Variants in TGM1 observed in about 807,000 individuals in gnomAD.
TGM1 encodes the protein transglutaminase 1.
Under a neutral mutation model 88.7 loss-of-function variants are expected in TGM1, and 63 were observed. The observed-to-expected ratio is 0.71, with a 90% CI of 0.58 to 0.88. The LOEUF (loss-of-function observed/expected upper bound fraction) is 0.88, where lower values mean the gene tolerates loss of function less well. TGM1 is among the 40% of genes least tolerant of loss of function. TGM1 has a pLI of 0.00. For synonymous variants in TGM1, 415 were observed against 431.1 expected, an observed-to-expected ratio of 0.96 and a Z score of 0.46; for missense variants, 996 against 1,118.0, an observed-to-expected ratio of 0.89 and a Z score of 1.56.
chr14:24,250,148 C>CTGTGTGTGTGTG (rs1158480309), intron 14 of TGM1, among the ~76,000 whole-genome samples: 4 of 142,958 alleles, frequency 2.8e-5, no homozygotes, highest in South Asian at 2.3e-4. Flanking sequence ...CCTTATGTCT[C>CTGTGTGTGTGTG]TGTGTGTGTG....
In TGM1 at chr14:24,255,392, G is replaced by A. The variant is rs575958464; in HGVS notation, c.1617C>T (p.Asp539=). The change falls in exon 11 of 15, where the codon GAC becomes GAT. Residue 539 remains aspartate, a synonymous_variant. Coordinates refer to ENST00000206765, the MANE Select transcript of TGM1 (RefSeq NM_000359.3). The surrounding 1 kb of genome is among the most constrained non-coding windows in gnomAD (Gnocchi z 4.0). ...CTGGGTGCTTATAGAGGTAGGTGAT[G>A]TCCTCCCGCATGTTGGAGCTGATGG... ...TKAISSNMRE[D]ITYLYKHPEG... 4.3e-6 allele frequency: 7 copies of A among 1,614,190 alleles called. No homozygotes were observed. Among genetic ancestry groups the A allele is most frequent in the African/African-American group, 4.0e-5 (3 of 75,036 alleles).
intron 14 of TGM1, among the ~76,000 whole-genome samples, chr14:24,250,103 GAACA>G (rs780727451): frequency 2.6e-5 from 4 of 151,380 alleles, no homozygotes; most frequent in Non-Finnish European, 4.4e-5. Context: ...TCCTTCCCAA[GAACA>G]GACAACAGAC....
At chr14:24,249,615 G>A in intron 14 of TGM1, 74 bp from the exon 15 acceptor site, 1 of 1,339,740 alleles carries the variant, frequency 7.5e-7, no homozygotes, top group South Asian at 1.2e-5. Context: ...ATCCAGGGCA[G>A]TCAGGAGGAA....
rs145197904 is a variant in TGM1, at chr14:24,262,247, G to A, written c.106C>T (p.Arg36Cys). 30 of 1,613,822 alleles carry A rather than the reference G, an allele frequency of 1.9e-5. No individual in the cohort carries two copies. Among genetic ancestry groups the A allele is most frequent in the Non-Finnish European group, 2.5e-5 (29 of 1,180,036 alleles). The change falls in exon 2 of 15, where the codon CGC becomes TGC. Residue 36 changes from arginine (R) to cysteine (C), a missense_variant. Arg to Cys is a radical substitution (Grantham distance 180, BLOSUM62 -3). Coordinates refer to ENST00000206765, the MANE Select transcript of TGM1 (RefSeq NM_000359.3). ...CAGAAGGAACGGCCTCCTCCTCTGC[G>A]AGAGCGTCCGTCTGGCTCTGGCTCT... ...EPEPEPDGRS[R>C]RGGGRSFWAR...
At position 24,252,541 on chromosome 14, in the gene TGM1, G is replaced by A. The variant is rs376946996; in HGVS notation, c.2225+1611C>T. Among the ~76,000 whole-genome samples the A allele has an allele frequency of 3.7e-4, 57 of 152,342 alleles. No homozygotes were observed. The South Asian group carries it at 1.0e-2, about 27-fold the overall frequency. On this transcript the variant is annotated intron_variant, in intron 14 of 14. Transcript: ENST00000206765. Reference sequence around the variant, plus strand: ...ACTAGCAGAGCAGGCTACCCGGGGGGTTCAGGCTCTGTTCACTGAGCTGCC... The same window carrying A: ...ACTAGCAGAGCAGGCTACCCGGGGGATTCAGGCTCTGTTCACTGAGCTGCC...
In TGM1 at chr14:24,260,529, T is replaced by C. The variant is rs1031818162; in HGVS notation, c.678A>G (p.Thr226=). ...ACTGGAACTCCCCAGCGTCTGATTG[T>C]GTGCGGACTGTGAACTGAAACTTGC... ...IIGKFQFTVR[T]QSDAGEFQLP... is the part of the protein sequence containing the mutation. The change falls in exon 4 of 15, where the codon ACA becomes ACG. Residue 226 remains threonine (T), a synonymous_variant. Coordinates refer to ENST00000206765, the MANE Select transcript of TGM1 (RefSeq NM_000359.3). The C allele has an allele frequency of 1.9e-6, 3 of 1,614,094 alleles. No homozygotes were observed. The highest frequency in any genetic ancestry group is 2.5e-6 in the Non-Finnish European group (3 of 1,180,050).
intron 14 of TGM1, among the ~76,000 whole-genome samples, chr14:24,249,841 C>T (rs1238081162): frequency 6.6e-6 from 1 of 152,142 alleles, no homozygotes; most frequent in Non-Finnish European, 1.5e-5. Flanking sequence ...CCTCTCATGC[C>T]ATCCCCTCCA....
At chr14:24,251,045 T>G (rs1171331556) in intron 14 of TGM1, among the ~76,000 whole-genome samples, 3 of 152,200 alleles carry the variant, frequency 2.0e-5, no homozygotes, top group Non-Finnish European at 4.4e-5. Context: ...CTACCACTTG[T>G]TAGCTGTGAG....
chr14:24,261,248 A>G (rs566563644), intron 3 of TGM1, among the ~76,000 whole-genome samples: 25 of 152,306 alleles, frequency 1.6e-4, no homozygotes, highest in Non-Finnish European at 3.1e-4. Context: ...TACACCAAGC[A>G]ACGCGGTAAG....
At chr14:24,261,280 T>C (rs1293063216) in intron 3 of TGM1, among the ~76,000 whole-genome samples, 2 of 151,750 alleles carry the variant, frequency 1.3e-5, no homozygotes, top group South Asian at 2.1e-4. Context: ...CCTTGGGTCA[T>C]GGGGACAGAG....
Position 24,249,519 on chromosome 14 carries a change from C to T in TGM1, c.2248G>A (p.Val750Met). 6.2e-7 allele frequency: 1 copy of T among 1,614,092 alleles called. No homozygotes were observed. Among genetic ancestry groups the T allele is most frequent in the Non-Finnish European group, 8.5e-7 (1 of 1,179,994 alleles). ...GGCACAAACGACTGGCGCAGTGTCACTGTTTCATTGCCTCCAATGTCCCTG... is the reference window on the plus strand; with the variant it reads ...GGCACAAACGACTGGCGCAGTGTCATTGTTTCATTGCCTCCAATGTCCCTG... Reference protein sequence around the residue: ...NVGDIGGNETVTLRQSFVPVR... With the variant: ...NVGDIGGNETMTLRQSFVPVR... The change falls in exon 15 of 15, where the codon GTG becomes ATG. Residue 750 changes from valine to methionine, a missense_variant. By Grantham distance (21) the Val-to-Met change is conservative. Coordinates refer to ENST00000206765, the MANE Select transcript of TGM1 (RefSeq NM_000359.3).
intron 4 of TGM1, 153 bp from the exon 5 acceptor site, chr14:24,260,211 T>G (rs1290982113): frequency 7.5e-6 from 7 of 931,210 alleles, no homozygotes; most frequent in Admixed American, 2.0e-5. Context: ...ACGGGGAGCA[T>G]GACAGATGGT....
rs1319140950 is a variant in TGM1 at position 24,255,533 on chromosome 14, G to T, written c.1492-16C>A. On this transcript the variant is annotated splice_polypyrimidine_tract_variant and intron_variant, in intron 10 of 14. Coordinates refer to ENST00000206765, the MANE Select transcript of TGM1 (RefSeq NM_000359.3). The surrounding 1 kb of genome is among the most constrained non-coding windows in gnomAD (Gnocchi z 4.0). ...CACTATTCACCTGTGGGGGGTGGGG[G>T]TGAGCAGGAATGAGTGAGCCAGAGG... The T allele has an allele frequency of 6.2e-7, 1 of 1,612,622 alleles. No homozygotes were observed. Among genetic ancestry groups the T allele is most frequent in the Non-Finnish European group, 8.5e-7 (1 of 1,180,026 alleles).
Position 24,260,879 on chromosome 14 carries a change from C to T in TGM1, c.509-181G>A, listed in dbSNP as rs2040803219. Among the ~76,000 whole-genome samples the T allele has an allele frequency of 1.3e-5, 2 of 152,324 alleles. 1 individual carries two copies. Among genetic ancestry groups the T allele is most frequent in the African/African-American group, 4.8e-5 (2 of 41,574 alleles). ...CAGCTCTGTCTCCACCCAATGCTTG[C>T]CCACATGTTAGGGCAGTGCCGCAGT... On this transcript the variant is annotated intron_variant, in intron 3 of 14. Transcript: ENST00000206765.
chr14:24,259,053 C>G lies in TGM1; in HGVS notation c.1159+22G>C. On this transcript the variant is annotated intron_variant, in intron 7 of 14. Coordinates refer to ENST00000206765, the MANE Select transcript of TGM1 (RefSeq NM_000359.3). The surrounding 1 kb of genome is among the most constrained non-coding windows in gnomAD (Gnocchi z 5.7). ...TTCTCCCTGTAGGGCCCGGGCCACT[C>G]CTGTCCCAGTCCCTCCACTACCTGT... 6.2e-7 allele frequency: 1 copy of G among 1,613,450 alleles called. No individual in the cohort carries two copies.
chr14:24,257,763 C>G (rs1484764145), intron 9 of TGM1, among the ~76,000 whole-genome samples: 6 of 152,266 alleles, frequency 3.9e-5, no homozygotes, highest in African/African-American at 1.4e-4. Context: ...TCTAATGTAT[C>G]AGGTTTGGAG....
Position 24,256,011 on chromosome 14 carries a change from T to C in TGM1, c.1469A>G (p.Asp490Gly), listed in dbSNP as rs121918724. The C allele has an allele frequency of 5.7e-5, 90 of 1,566,280 alleles. 1 individual carries two copies. The highest frequency in any genetic ancestry group is 2.2e-4 in the South Asian group (19 of 85,212). Reference sequence around the variant, plus strand: ...CACCTCAGCAAAAATGAAAGGCGTGTCGTACTTCATGTAGACCAGGCCATT... The same window carrying C: ...CACCTCAGCAAAAATGAAAGGCGTGCCGTACTTCATGTAGACCAGGCCATT... ...IKNGLVYMKY[D>G]TPFIFAEVNS... Residue 490 changes from aspartate to glycine, a missense_variant, in exon 10 of 15, where the codon GAC becomes GGC. Asp to Gly is a moderately conservative substitution (Grantham distance 94, BLOSUM62 -1). Coordinates refer to ENST00000206765, the MANE Select transcript of TGM1 (RefSeq NM_000359.3).
chr14:24,250,188 C>G (rs61998490), intron 14 of TGM1, among the ~76,000 whole-genome samples: 30 of 69,830 alleles, frequency 4.3e-4, no homozygotes, highest in African/African-American at 5.1e-4. Context: ...GTGAGAGAGA[C>G]AGAGAGGTGG....
At chr14:24,261,423 T>A (rs1344866813) in intron 3 of TGM1, among the ~76,000 whole-genome samples, 2 of 152,002 alleles carry the variant, frequency 1.3e-5, no homozygotes, top group Non-Finnish European at 2.9e-5. Flanking sequence ...AGAGCAGCAA[T>A]GCCGAAGGAG....
Sources: gnomAD v4.1 joint callset for allele counts (sites outside exome capture counted in the v4.1 genomes callset) on GRCh38, gnomAD v4.1.1 for gene constraint, Gnocchi (gnomAD v3.1) non-coding constraint, MANE v1.5 for transcripts, NCBI Gene and HGNC (gene_info 2026-07-23, HGNC 2026-07-21) for gene names.